THSD7B: variants seen among roughly 807,000 people sequenced by gnomAD.
THSD7B encodes thrombospondin type-1 domain-containing protein 7B.
Under a neutral mutation model 213.6 loss-of-function variants are expected in THSD7B, and 138 were observed. The observed-to-expected ratio is 0.65, with a 90% CI of 0.56 to 0.74. The LOEUF is 0.74. Among genes scored for constraint, THSD7B ranks in the 30% least tolerant of loss-of-function variants. THSD7B has a pLI of 0.00. For missense variants in THSD7B, 1,931 were observed against 1,991.5 expected (o/e 0.97, Z 0.58); for synonymous variants, 742 against 687.0 (o/e 1.08, Z -1.25).
At chr2:137,494,079 C>T (rs909316166) in intron 15 of THSD7B, among the ~76,000 whole-genome samples, 2 of 152,144 alleles carry the variant, frequency 1.3e-5, no homozygotes, top group African/African-American at 4.8e-5. Flanking sequence ...AACCAAAATG[C>T]ATGAAAGGAG....
chr2:137,371,171 G>T (rs966168979), intron 12 of THSD7B, among the ~76,000 whole-genome samples: 4 of 151,970 alleles, frequency 2.6e-5, no homozygotes, highest in Admixed American at 1.3e-4. Flanking sequence ...GCCATCCTGG[G>T]ATCTCCCTTA....
intron 2 of THSD7B, among the ~76,000 whole-genome samples, chr2:136,890,756 G>A (rs1240819526): frequency 1.3e-5 from 2 of 150,904 alleles, no homozygotes; most frequent in Admixed American, 1.3e-4. Context: ...GGCCAGGCTG[G>A]TCTCGAACTC....
rs549289679 is a variant in THSD7B, at chr2:137,381,874, C to T, written c.2501-23739C>T. Among the ~76,000 whole-genome samples the T allele has an allele frequency of 2.6e-5, 4 of 152,284 alleles. No homozygotes were observed. In the East Asian group the frequency reaches 7.8e-4, roughly 30 times the overall value. ...GCTGCAGCCAGGCTGGGGTGTAAAGCCTTTTCTGTTTGATGAGGGAACTGG... is the reference window on the plus strand; with the variant it reads ...GCTGCAGCCAGGCTGGGGTGTAAAGTCTTTTCTGTTTGATGAGGGAACTGG... On this transcript the variant is annotated intron_variant, in intron 12 of 27. Transcript: ENST00000409968.
chr2:137,162,457 C>A (rs989988815), intron 6 of THSD7B, among the ~76,000 whole-genome samples: 9 of 152,182 alleles, frequency 5.9e-5, no homozygotes, highest in South Asian at 2.1e-4. Flanking sequence ...CCACTGGGAT[C>A]AGGAGAGGGA....
chr2:137,364,581 G>A (rs148198761), intron 12 of THSD7B, among the ~76,000 whole-genome samples: 2 of 152,262 alleles, frequency 1.3e-5, no homozygotes, highest in Non-Finnish European at 2.9e-5. Flanking sequence ...AAAATCACAA[G>A]CATTCCTATA....
Position 137,056,792 on chromosome 2 carries a change from C to A in THSD7B, c.512C>A (p.Ala171Asp). Residue 171 changes from alanine (A) to aspartate (D), a missense_variant, in exon 3 of 28, where the codon GCT (alanine) becomes GAT (aspartate). Physicochemically the swap from Ala to Asp is moderately radical, Grantham distance 126. Transcript: ENST00000409968. ...GCCCTTCAGCCTCCTACAGAACAGG[C>A]TTGCCTCATTCCTTGTCCCCGGGAT... ...HFALQPPTEQ[A>D]CLIPCPRDCV... 6.2e-7 allele frequency: 1 copy of A among 1,613,968 alleles called. No individual in the cohort carries two copies. Among genetic ancestry groups the A allele is most frequent in the Non-Finnish European group, 8.5e-7 (1 of 1,179,882 alleles).
intron 15 of THSD7B, among the ~76,000 whole-genome samples, chr2:137,500,361 C>T (rs1679673682): frequency 6.6e-6 from 1 of 152,104 alleles, no homozygotes; most frequent in Admixed American, 6.5e-5. Flanking sequence ...TTTTTTGACT[C>T]AGTAGCAAAG....
chr2:137,177,589 A>C (rs1187629657), intron 7 of THSD7B, among the ~76,000 whole-genome samples: 1 of 152,186 alleles, frequency 6.6e-6, no homozygotes, highest in Non-Finnish European at 1.5e-5. Flanking sequence ...TAGGGCTAGA[A>C]TAGGGCTCAA....
rs55814718 is a variant in THSD7B, at chr2:136,825,718, A to ATTTTTTTTTTTTTTT, written c.-35-56424_-35-56410dup. Among the ~76,000 whole-genome samples, 96 of 116,876 alleles carry ATTTTTTTTTTTTTTT rather than the reference A, an allele frequency of 8.2e-4. 1 individual carries two copies. Among genetic ancestry groups the ATTTTTTTTTTTTTTT allele is most frequent in the Middle Eastern group, 4.5e-3 (1 of 222 alleles). The allele number at this position is 116,876 out of a possible 152,430, so 76.7% of individuals were successfully genotyped here. ...AGGTGCTCACTGCCATGCCTGGCTA[A>ATTTTTTTTTTTTTTT]TTTTTTTTTTTTTTTTAGATCTGGG... On this transcript the variant is annotated intron_variant, in intron 1 of 27. Coordinates refer to ENST00000409968, the MANE Select transcript of THSD7B (RefSeq NM_001316349.2).
At position 137,231,157 on chromosome 2, in the gene THSD7B, T is replaced by C. The variant is rs773435535; in HGVS notation, c.1837T>C (p.Cys613Arg). Residue 613 changes from cysteine (C) to arginine (R), a missense_variant, in exon 8 of 28, where the codon TGT becomes CGT. Cys to Arg is a radical substitution (Grantham distance 180). Transcript: ENST00000409968. ...VLSEWTEWSS[C>R]SQSCSNKNSD... is the part of the protein sequence containing the mutation. ...GAGCGAGTGGACGGAGTGGTCATCC[T>C]GTTCCCAGTCCTGTTCAAATAAAAA... 3.7e-6 allele frequency: 6 copies of C among 1,613,740 alleles called. No homozygotes were observed. Among genetic ancestry groups the C allele is most frequent in the Non-Finnish European group, 5.1e-6 (6 of 1,179,778 alleles).
At chr2:137,476,009 CT>C (rs1367607004) in intron 15 of THSD7B, among the ~76,000 whole-genome samples, 1 of 151,924 alleles carries the variant, frequency 6.6e-6, no homozygotes, top group Non-Finnish European at 1.5e-5. Context: ...AATAGCCATT[CT>C]AATTGGAGGA....
chr2:137,542,810 A>G (rs1328179127), intron 15 of THSD7B, among the ~76,000 whole-genome samples: 2 of 151,812 alleles, frequency 1.3e-5, no homozygotes, highest in South Asian at 4.1e-4. Flanking sequence ...TTGTACTAAC[A>G]TAAGGATAAA....
rs1295721991 is a variant in THSD7B, at chr2:137,676,458, G to T, written c.4740-66G>T. The T allele has an allele frequency of 5.7e-6, 8 of 1,392,530 alleles. No homozygotes were observed. The East Asian group carries it at 1.8e-4, about 31-fold the overall frequency. 86.3% of individuals were successfully genotyped at this position (1,392,530 alleles called of 1,614,324 possible). On this transcript the variant is annotated intron_variant, in intron 27 of 27. Coordinates refer to ENST00000409968, the MANE Select transcript of THSD7B (RefSeq NM_001316349.2). ...GCTTAAATTTCTGTATCTCAAAATT[G>T]TCTTTGGCAGATGAAACAGAGCTCT...
chr2:136,893,870 A>G (rs2105004527), intron 2 of THSD7B, among the ~76,000 whole-genome samples: 1 of 152,336 alleles, frequency 6.6e-6, no homozygotes, highest in African/African-American at 2.4e-5. Context: ...TTATTACCTT[A>G]TTCTAATAAT....
At chr2:137,209,385 G>A (rs1279060134) in intron 7 of THSD7B, among the ~76,000 whole-genome samples, 2 of 151,972 alleles carry the variant, frequency 1.3e-5, no homozygotes, top group Non-Finnish European at 1.5e-5. Flanking sequence ...GGATTAAAAA[G>A]ACAAATAAAT....
At chr2:137,302,770 G>A (rs1573945397) in intron 12 of THSD7B, among the ~76,000 whole-genome samples, 1 of 152,142 alleles carries the variant, frequency 6.6e-6, no homozygotes, top group East Asian at 1.9e-4. Flanking sequence ...CTAGAAAGAT[G>A]TTCTTAAAAG....
chr2:137,036,498 A>G (rs1001638312), intron 2 of THSD7B, among the ~76,000 whole-genome samples: 4 of 152,234 alleles, frequency 2.6e-5, no homozygotes, highest in Non-Finnish European at 5.9e-5. Context: ...TATTCATTTC[A>G]GTATACTTGA....
chr2:136,997,033 A>T (rs987821452), intron 2 of THSD7B, among the ~76,000 whole-genome samples: 2 of 152,236 alleles, frequency 1.3e-5, no homozygotes, highest in Non-Finnish European at 2.9e-5. Flanking sequence ...ATCCCTGGAA[A>T]TACAGTGTAA....
intron 12 of THSD7B, among the ~76,000 whole-genome samples, chr2:137,361,746 T>C (rs1187866160): frequency 2.0e-5 from 3 of 152,044 alleles, no homozygotes; most frequent in Non-Finnish European, 4.4e-5. Flanking sequence ...AAAGACCAAA[T>C]CTACGTTTGA....
Sources: gnomAD v4.1 joint callset for allele counts (sites outside exome capture counted in the v4.1 genomes callset) on GRCh38, gnomAD v4.1.1 for gene constraint, MANE v1.5 for transcripts, NCBI Gene and HGNC (gene_info 2026-07-23, HGNC 2026-07-21) for gene names.